Variants in ZKSCAN2 observed in about 807,000 individuals in gnomAD.
The protein encoded by ZKSCAN2 is zinc finger protein with KRAB and SCAN domains 2.
A neutral mutation model predicts 90.5 loss-of-function variants in ZKSCAN2; 38 were observed. That is an observed-to-expected ratio of 0.42 (90% confidence interval 0.32 to 0.55). The LOEUF (loss-of-function observed/expected upper bound fraction) is 0.55. ZKSCAN2 is among the 20% of genes least tolerant of loss of function. The pLI is 0.11. For synonymous variants in ZKSCAN2, 429 were observed against 421.6 expected, an observed-to-expected ratio of 1.02 and a Z score of -0.22; for missense variants, 1,167 against 1,202.6, an observed-to-expected ratio of 0.97 and a Z score of 0.44.
chr16:25,241,388 T>C (rs1359071313), intron 6 of ZKSCAN2, among the ~76,000 whole-genome samples: 1 of 152,078 alleles, frequency 6.6e-6, no homozygotes, highest in African/African-American at 2.4e-5. Context: ...GAGACAAGTT[T>C]TGGAATTACA....
rs982680367 is a variant in ZKSCAN2, at chr16:25,257,596, C to T, written c.-469G>A. On this transcript the variant is annotated 5_prime_UTR_variant, in exon 1 of 7. It adds an upstream start codon to the 5' untranslated region. Transcript: ENST00000328086. ...GGCGCCAGGTTCCGGGCTCGGGTCACCGCAGCACGTCCAGGCCGCCGCGGG... is the reference window on the plus strand; with the variant it reads ...GGCGCCAGGTTCCGGGCTCGGGTCATCGCAGCACGTCCAGGCCGCCGCGGG... 2.4e-6 allele frequency: 2 copies of T among 816,844 alleles called. No individual in the cohort carries two copies. Among genetic ancestry groups the T allele is most frequent in the Non-Finnish European group, 3.0e-6 (2 of 676,170 alleles). 50.6% of individuals were successfully genotyped at this position (816,844 alleles called of 1,614,324 possible).
Position 25,257,259 on chromosome 16 carries a change from A to G in ZKSCAN2, c.-132T>C. The G allele has an allele frequency of 6.7e-7, 1 of 1,487,592 alleles. No individual in the cohort carries two copies. Among genetic ancestry groups the G allele is most frequent in the Non-Finnish European group, 8.9e-7 (1 of 1,127,044 alleles). The allele number at this position is 1,487,592 out of a possible 1,614,324, so 92.1% of individuals were successfully genotyped here. ...TAAAAACGGCCAGGTCGGCAGGAACAGGGTATTCCAGGCTGATTAATCAAA... is the reference window on the plus strand; with the variant it reads ...TAAAAACGGCCAGGTCGGCAGGAACGGGGTATTCCAGGCTGATTAATCAAA... On this transcript the variant is annotated 5_prime_UTR_variant, in exon 1 of 7. Coordinates refer to ENST00000328086, the MANE Select transcript of ZKSCAN2 (RefSeq NM_001012981.5).
intron 6 of ZKSCAN2, among the ~76,000 whole-genome samples, chr16:25,243,576 G>T (rs552973252): frequency 3.9e-5 from 6 of 152,112 alleles, no homozygotes; most frequent in Non-Finnish European, 8.8e-5. Flanking sequence ...TGATCCACCC[G>T]CCTCAACCTC....
In ZKSCAN2 at chr16:25,256,762, A is replaced by C. The variant is rs1963108527; in HGVS notation, c.366T>G (p.His122Gln). 1.9e-6 allele frequency: 3 copies of C among 1,613,616 alleles called. No homozygotes were observed. In the African/African-American group the frequency reaches 4.0e-5, roughly 22 times the overall value. ...TTAGTCTTCCAGTCTCTTTCTCCAA[A>C]TGCACTACCAGGGCCACCGCTTCCT... is the stretch of plus-strand genomic sequence containing the variant. ...SGEEAVALVV[H>Q]LEKETGRLRQ... The change falls in exon 1 of 7, where the codon CAT becomes CAG. Residue 122 changes from histidine (H) to glutamine (Q), a missense_variant. Coordinates refer to ENST00000328086, the MANE Select transcript of ZKSCAN2 (RefSeq NM_001012981.5).
At chr16:25,242,873 G>A (rs1346676017) in intron 6 of ZKSCAN2, among the ~76,000 whole-genome samples, 1 of 152,212 alleles carries the variant, frequency 6.6e-6, no homozygotes, top group African/African-American at 2.4e-5. Flanking sequence ...ACTAGACAGT[G>A]GCTAATGGTA....
At position 25,246,723 on chromosome 16, in the gene ZKSCAN2, C is replaced by T; in HGVS notation, c.1473G>A (p.Leu491=). ...AATTCTTACCACTGAGATTCTGAAA[C>T]AAGACAGGGGCACCATGGATTTCAG... is the stretch of plus-strand genomic sequence containing the variant. ...RKSEIHGAPV[L]FQNLSGVHWG... The change falls in exon 5 of 7, where the codon TTG becomes TTA. Residue 491 remains leucine (L), a synonymous_variant. Coordinates refer to ENST00000328086, the MANE Select transcript of ZKSCAN2 (RefSeq NM_001012981.5). 1 of 1,614,180 alleles carries T rather than the reference C, an allele frequency of 6.2e-7. No individual in the cohort carries two copies. Among genetic ancestry groups the T allele is most frequent in the Non-Finnish European group, 8.5e-7 (1 of 1,180,020 alleles).
intron 4 of ZKSCAN2, among the ~76,000 whole-genome samples, chr16:25,248,879 T>C (rs560000000): frequency 6.6e-6 from 1 of 152,302 alleles, no homozygotes; most frequent in African/African-American, 2.4e-5. Flanking sequence ...ACAGCTAAGA[T>C]ACGGAAGCAA....
At chr16:25,255,742 C>T (rs1002695000) in intron 1 of ZKSCAN2, among the ~76,000 whole-genome samples, 2 of 152,106 alleles carry the variant, frequency 1.3e-5, no homozygotes, top group Non-Finnish European at 2.9e-5. Context: ...CCAACACAAC[C>T]GGCTAATTTT....
intron 2 of ZKSCAN2, among the ~76,000 whole-genome samples, chr16:25,253,411 T>A (rs996058241): frequency 1.3e-5 from 2 of 151,572 alleles, no homozygotes; most frequent in African/African-American, 4.9e-5. Flanking sequence ...CCAGCCTTCC[T>A]TTCCCCCTCC....
chr16:25,243,823 T>C lies in ZKSCAN2; in HGVS notation c.1943A>G (p.Glu648Gly), dbSNP rs1186048862. The C allele has an allele frequency of 1.9e-6, 3 of 1,613,302 alleles. No individual in the cohort carries two copies. Among genetic ancestry groups the C allele is most frequent in the Non-Finnish European group, 2.5e-6 (3 of 1,179,844 alleles). Residue 648 changes from glutamate (E) to glycine (G), a missense_variant, in exon 6 of 7, where the codon GAG becomes GGG. Transcript: ENST00000328086. ...MSEEEIVQEP[E>G]FQGPPGLLQS... ...CAGTAGACCTGGAGGTCCCTGGAACTCTGGCTCTTGCACAATTTCCTCCTC... is the reference window on the plus strand; with the variant it reads ...CAGTAGACCTGGAGGTCCCTGGAACCCTGGCTCTTGCACAATTTCCTCCTC...
intron 5 of ZKSCAN2, 67 bp downstream of exon 5, chr16:25,246,640 G>C: frequency 6.3e-7 from 1 of 1,576,890 alleles, no homozygotes; most frequent in Non-Finnish European, 8.7e-7. Context: ...GCCACTTCTG[G>C]TCTACTCCTT....
chr16:25,241,829 G>T (rs776340578), intron 6 of ZKSCAN2, among the ~76,000 whole-genome samples: 1 of 152,128 alleles, frequency 6.6e-6, no homozygotes, highest in Non-Finnish European at 1.5e-5. Flanking sequence ...GGGGAGAGGA[G>T]GGCAGCCATC....
At position 25,255,349 on chromosome 16, in the gene ZKSCAN2, G is replaced by A. The variant is rs1315259352; in HGVS notation, c.443C>T (p.Ala148Val). ...VHREKHSPLG[A>V]AWEVADFQPE... is the part of the protein sequence containing the mutation. ...CTGGAAGTCTGCCACCTCCCACGCTGCTCCAAGTGGGGAGTGCTTCTCCCG... is the reference window on the plus strand; with the variant it reads ...CTGGAAGTCTGCCACCTCCCACGCTACTCCAAGTGGGGAGTGCTTCTCCCG... Residue 148 changes from alanine (A) to valine (V), a missense_variant, in exon 2 of 7, where the codon GCA (alanine) becomes GTA (valine). By Grantham distance (64) the Ala-to-Val change is moderately conservative. Coordinates refer to ENST00000328086, the MANE Select transcript of ZKSCAN2 (RefSeq NM_001012981.5). The A allele has an allele frequency of 6.2e-7, 1 of 1,613,072 alleles. No individual in the cohort carries two copies. Among genetic ancestry groups the A allele is most frequent in the African/African-American group, 1.3e-5 (1 of 74,882 alleles).
rs894845224 is a variant in ZKSCAN2, at chr16:25,238,173, C to T, written c.*1643G>A. 4 of 152,178 alleles carry T rather than the reference C, an allele frequency of 2.6e-5. No homozygotes were observed. Among genetic ancestry groups the T allele is most frequent in the African/African-American group, 7.2e-5 (3 of 41,430 alleles). The allele number at this position is 152,178 out of a possible 1,614,324, so 9.4% of individuals were successfully genotyped here. On this transcript the variant is annotated 3_prime_UTR_variant, in exon 7 of 7. Transcript: ENST00000328086. ...ACAAGTTTCAAAAGATTGAAACATA[C>T]CAAAAGGAAAAATATCATTTCCAGA...
Position 25,245,596 on chromosome 16 carries a change from T to C in ZKSCAN2, c.1489+1111A>G, listed in dbSNP as rs766740623. On this transcript the variant is annotated intron_variant, in intron 5 of 6. Transcript: ENST00000328086. ...GCCTGACCAACATGGTGAAACCCTG[T>C]CTCTACTAAAAATATAAAAATTAGC... Among the ~76,000 whole-genome samples, 40 of 152,110 alleles carry C rather than the reference T, an allele frequency of 2.6e-4. 1 individual carries two copies. The highest frequency in any genetic ancestry group is 6.5e-4 in the Admixed American group (10 of 15,276).
chr16:25,240,234 T>G lies in ZKSCAN2; in HGVS notation c.2486A>C (p.Lys829Thr), dbSNP rs778315570. The change falls in exon 7 of 7, where the codon AAA becomes ACA. Residue 829 changes from lysine to threonine, a missense_variant. Coordinates refer to ENST00000328086, the MANE Select transcript of ZKSCAN2 (RefSeq NM_001012981.5). Reference protein sequence around the residue: ...GAHQRIHTGEKPYRCGECGKC... With the variant: ...GAHQRIHTGETPYRCGECGKC... Reference sequence around the variant, plus strand: ...TCCACACTCTCCGCATCTGTAGGGTTTCTCTCCTGTGTGGATTCTCTGGTG... The same window carrying G: ...TCCACACTCTCCGCATCTGTAGGGTGTCTCTCCTGTGTGGATTCTCTGGTG... 2.1e-5 allele frequency: 34 copies of G among 1,614,050 alleles called. No homozygotes were observed. Among genetic ancestry groups the G allele is most frequent in the Non-Finnish European group, 4.2e-6 (5 of 1,180,018 alleles).
In ZKSCAN2 at chr16:25,256,912, C is replaced by A; in HGVS notation, c.216G>T (p.Arg72=). ...AFSKLWELCC[R]WLKPEMRSKE... Reference sequence around the variant, plus strand: ...TGGAACGCATTTCTGGCTTCAGCCACCGGCAGCAAAGTTCCCAGAGTTTAC... The same window carrying A: ...TGGAACGCATTTCTGGCTTCAGCCAACGGCAGCAAAGTTCCCAGAGTTTAC... Residue 72 remains arginine, a synonymous_variant, in exon 1 of 7, where the codon CGG becomes CGT. Transcript: ENST00000328086. 6.2e-7 allele frequency: 1 copy of A among 1,614,244 alleles called. No homozygotes were observed. Among genetic ancestry groups the A allele is most frequent in the Middle Eastern group, 1.6e-4 (1 of 6,062 alleles).
At chr16:25,243,680 C>A in intron 6 of ZKSCAN2, 105 bp downstream of exon 6, 1 of 1,369,686 alleles carries the variant, frequency 7.3e-7, no homozygotes. Flanking sequence ...TCAAATATTT[C>A]TTGAATGAAG....
chr16:25,250,395 T>G (rs981080459), intron 4 of ZKSCAN2, among the ~76,000 whole-genome samples: 1 of 151,956 alleles, frequency 6.6e-6, no homozygotes, highest in Non-Finnish European at 1.5e-5. Flanking sequence ...GGAACACAAA[T>G]ATGATCTCAC....
Sources: allele counts gnomAD v4.1 joint callset (sites outside exome capture counted in the v4.1 genomes callset), GRCh38; gene constraint gnomAD v4.1.1; transcripts MANE v1.5; gene names NCBI Gene and HGNC (gene_info 2026-07-23, HGNC 2026-07-21).